The following RAB38 variants were observed in gnomAD, a reference collection of about 807,000 sequenced individuals.
The protein encoded by RAB38 is RAB38, member RAS oncogene family.
Under a neutral mutation model 18.4 loss-of-function variants are expected in RAB38, and 15 were observed. The ratio of observed to expected loss-of-function variants is 0.82; its 90% CI spans 0.55 to 1.26. The LOEUF is 1.26. Ranked by LOEUF, RAB38 falls within the 50% of genes most tolerant of loss-of-function variation. The pLI, the probability that RAB38 is intolerant of heterozygous loss-of-function variation, is 0.00. For synonymous variants in RAB38, 101 were observed against 104.4 expected (o/e 0.97, Z 0.20); for missense variants, 294 against 267.4 (o/e 1.10, Z -0.69).
chr11:88,049,130 C>T, the RAB38 span, among the ~76,000 whole-genome samples: 7 of 152,200 alleles, frequency 4.6e-5, no homozygotes, highest in African/African-American at 7.2e-5. Context: ...TGAGAAACAT[C>T]GCCCATTATC....
At chr11:87,809,606 C>A in the RAB38 span, among the ~76,000 whole-genome samples, 1 of 152,108 alleles carries the variant, frequency 6.6e-6, no homozygotes, top group Non-Finnish European at 1.5e-5. Context: ...GGCAATCTTT[C>A]CATTTCCTGA....
chr11:87,868,382 C>G, the RAB38 span, among the ~76,000 whole-genome samples: 1 of 151,616 alleles, frequency 6.6e-6, no homozygotes, highest in East Asian at 2.0e-4. Flanking sequence ...TCAACAGAAG[C>G]AGATGTTAGT....
At chr11:88,020,951 G>A in the RAB38 span, among the ~76,000 whole-genome samples, 1 of 151,942 alleles carries the variant, frequency 6.6e-6, no homozygotes, top group Non-Finnish European at 1.5e-5. Context: ...AACAAAAGCA[G>A]TATTAAGAGG....
chr11:88,156,821 A>G (rs570882267), intron 1 of RAB38, among the ~76,000 whole-genome samples: 11 of 152,376 alleles, frequency 7.2e-5, no homozygotes, highest in African/African-American at 2.6e-4. Context: ...AAGCCTTACA[A>G]GAAATCTTTA....
At chr11:87,914,662 G>T in the RAB38 span, among the ~76,000 whole-genome samples, 2 of 152,142 alleles carry the variant, frequency 1.3e-5, no homozygotes, top group African/African-American at 4.8e-5. Flanking sequence ...TTACGTAATA[G>T]TGAAAACACT....
the RAB38 span, among the ~76,000 whole-genome samples, chr11:88,044,944 C>T: frequency 2.0e-5 from 3 of 152,118 alleles, no homozygotes; most frequent in East Asian, 1.9e-4. Flanking sequence ...TTTCATTCTG[C>T]GACTAGCCCT....
At chr11:87,896,893 A>C in the RAB38 span, among the ~76,000 whole-genome samples, 3 of 151,648 alleles carry the variant, frequency 2.0e-5, no homozygotes, top group African/African-American at 7.3e-5. Flanking sequence ...TCCACTCTGC[A>C]TTCAGATTAG....
intron 1 of RAB38, among the ~76,000 whole-genome samples, chr11:88,168,122 C>T (rs569842973): frequency 5.9e-5 from 9 of 152,234 alleles, no homozygotes; most frequent in African/African-American, 1.9e-4. Flanking sequence ...TACTAAGCAA[C>T]AATTATGTAC....
the RAB38 span, among the ~76,000 whole-genome samples, chr11:87,861,799 A>G: frequency 0.28 from 43,244 of 151,744 alleles, 7,793 homozygotes; most frequent in African/African-American, 0.49. Context: ...GGCTCCTTTT[A>G]ACTTATTTTG....
chr11:87,944,111 G>T, the RAB38 span, among the ~76,000 whole-genome samples: 1 of 152,004 alleles, frequency 6.6e-6, no homozygotes, highest in Non-Finnish European at 1.5e-5. Flanking sequence ...TTATACTATG[G>T]TCTATTAAGT....
the RAB38 span, among the ~76,000 whole-genome samples, chr11:88,025,357 T>C: frequency 5.3e-5 from 8 of 152,268 alleles, no homozygotes; most frequent in African/African-American, 1.7e-4. Flanking sequence ...TGCATGTGTC[T>C]TTTTGGTAGA....
At chr11:87,977,749 AT>A in the RAB38 span, among the ~76,000 whole-genome samples, 1 of 1,342 alleles carries the variant, frequency 7.5e-4, no homozygotes, top group Non-Finnish European at 1.2e-3. Context: ...ATATTCTATA[AT>A]ATATATATAT....
the RAB38 span, among the ~76,000 whole-genome samples, chr11:87,895,409 G>T: frequency 6.6e-6 from 1 of 151,758 alleles, no homozygotes; most frequent in South Asian, 2.1e-4. Flanking sequence ...CTCACTAACA[G>T]CCAGGCTCCT....
chr11:87,820,078 G>A, the RAB38 span, among the ~76,000 whole-genome samples: 1 of 152,138 alleles, frequency 6.6e-6, no homozygotes, highest in Non-Finnish European at 1.5e-5. Context: ...TCTCAGGGAA[G>A]TAAGCAGTTC....
the RAB38 span, among the ~76,000 whole-genome samples, chr11:88,007,102 T>C: frequency 6.6e-6 from 1 of 151,820 alleles, no homozygotes; most frequent in African/African-American, 2.4e-5. Context: ...CAAAACATCC[T>C]GTTGTTCCTC....
chr11:87,910,581 T>A, the RAB38 span, among the ~76,000 whole-genome samples: 1 of 151,992 alleles, frequency 6.6e-6, no homozygotes, highest in African/African-American at 2.4e-5. Context: ...CTAGAAGTTA[T>A]GTGGTGTTAG....
chr11:87,943,603 T>C, the RAB38 span, among the ~76,000 whole-genome samples: 1 of 152,174 alleles, frequency 6.6e-6, no homozygotes, highest in Non-Finnish European at 1.5e-5. Flanking sequence ...TGAAAATAAC[T>C]GCTTTATTGG....
At chr11:88,039,490 G>A in the RAB38 span, among the ~76,000 whole-genome samples, 1 of 152,170 alleles carries the variant, frequency 6.6e-6, no homozygotes. Context: ...ACTGTGGTAT[G>A]AGGAAAAATG....
the RAB38 span, among the ~76,000 whole-genome samples, chr11:87,850,577 G>GT: frequency 6.6e-6 from 1 of 151,990 alleles, no homozygotes; most frequent in East Asian, 1.9e-4. Context: ...GTTTTATTCA[G>GT]TTTTTTAGTC....
Sources: allele counts gnomAD v4.1 joint callset (sites outside exome capture counted in the v4.1 genomes callset), GRCh38; gene constraint gnomAD v4.1.1; transcripts MANE v1.5; gene names NCBI Gene and HGNC (gene_info 2026-07-23, HGNC 2026-07-21).